The following OSMR variants were observed in gnomAD, a reference collection of about 807,000 sequenced individuals.
OSMR encodes the protein oncostatin M receptor, also known as oncostatin-M-specific receptor subunit beta.
Under a neutral mutation model 99.9 loss-of-function variants are expected in OSMR, and 81 were observed. The observed-to-expected ratio is 0.81, with a 90% confidence interval of 0.68 to 0.97. The LOEUF (loss-of-function observed/expected upper bound fraction) is 0.97. OSMR is among the 50% of genes least tolerant of loss of function. OSMR has a pLI of 0.00. For synonymous variants in OSMR, 406 were observed against 410.4 expected, an observed-to-expected ratio of 0.99 and a Z score of 0.13; for missense variants, 1,099 against 1,153.4, an observed-to-expected ratio of 0.95 and a Z score of 0.68.
chr5:38,937,577 T>C (rs1747114134), downstream of OSMR, among the ~76,000 whole-genome samples: 2 of 152,224 alleles, frequency 1.3e-5, no homozygotes, highest in South Asian at 4.1e-4. This position sits in a 1 kb window ranked among gnomAD's most constrained non-coding sequence, Gnocchi z 4.0. Context: ...GGGCAGTTTA[T>C]GTGTGAGAAA....
chr5:38,886,439 T>C, intron 7 of OSMR: 1 of 1,021,344 alleles, frequency 9.8e-7, no homozygotes, highest in Non-Finnish European at 1.3e-6. Context: ...ACTCTAACAA[T>C]AACTTCTGTC....
intron 9 of OSMR, among the ~76,000 whole-genome samples, chr5:38,906,415 C>T (rs78645715): frequency 0.015 from 2,270 of 152,198 alleles, 30 homozygotes; most frequent in Non-Finnish European, 0.024. Flanking sequence ...GTATTATAAC[C>T]ATGCTTAAGT....
At chr5:38,891,496 G>A (rs1170298226) in intron 7 of OSMR, among the ~76,000 whole-genome samples, 1 of 152,224 alleles carries the variant, frequency 6.6e-6, no homozygotes, top group African/African-American at 2.4e-5. Context: ...GAACAGAGAT[G>A]AGCAAAGCCC....
At chr5:38,875,720 T>G (rs1033985518) in intron 2 of OSMR, among the ~76,000 whole-genome samples, 1 of 152,216 alleles carries the variant, frequency 6.6e-6, no homozygotes, top group African/African-American at 2.4e-5. Flanking sequence ...TTGCTAGTCT[T>G]TAAGTTAAAT....
chr5:38,933,542 C>T lies in OSMR; in HGVS notation c.*98C>T, dbSNP rs28364756. 9,199 of 1,361,540 alleles carry T rather than the reference C, an allele frequency of 6.8e-3. 336 individuals carry two copies. The East Asian group carries it at 0.11, about 16-fold the overall frequency. 84.3% of individuals were successfully genotyped at this position (1,361,540 alleles called of 1,614,324 possible). A position where few individuals can be genotyped will look rare whatever the true frequency, so the allele number is the denominator to read the frequency against. ...GTGGCCTTGGTCCTTAATCCCAGTA[C>T]GATTTGCAGGTCTGGTTTATATAAG... On this transcript the variant is annotated 3_prime_UTR_variant, in exon 18 of 18. Coordinates refer to ENST00000274276, the MANE Select transcript of OSMR (RefSeq NM_003999.3).
chr5:38,942,315 C>T (rs2112777540), intron 1 of OSMR: 1 of 1,589,570 alleles, frequency 6.3e-7, no homozygotes, highest in South Asian at 1.1e-5. Context: ...CAGGATTCAG[C>T]AGATGTATCA....
chr5:38,850,782 A>G (rs1373570227), intron 1 of OSMR, among the ~76,000 whole-genome samples: 1 of 152,224 alleles, frequency 6.6e-6, no homozygotes, highest in Non-Finnish European at 1.5e-5. Context: ...AATTTTTCAT[A>G]CACCGTGGTA....
At position 38,944,679 on chromosome 5, in the gene OSMR, C is replaced by T. The variant is rs965873460; in HGVS notation, c.*87-267C>T. 7.1e-5 allele frequency: 70 copies of T among 983,544 alleles called. No individual in the cohort carries two copies. In the Admixed American group the frequency reaches 1.7e-3, roughly 23 times the overall value. 60.9% of individuals were successfully genotyped at this position (983,544 alleles called of 1,614,324 possible). The stretch of plus-strand genomic sequence containing the variant: ...CCTAAAGACCTAGAGATCAATTACA[C>T]ATGATCTACCAATCATTTTGGGAGC... On this transcript the variant is annotated intron_variant and NMD_transcript_variant, in intron 2 of 2. Transcript: ENST00000508882.
At position 38,933,535 on chromosome 5, in the gene OSMR, C is replaced by G. The variant is rs767424089; in HGVS notation, c.*91C>G. On this transcript the variant is annotated 3_prime_UTR_variant, in exon 18 of 18. Transcript: ENST00000274276. ...ATCACCAGTGGCCTTGGTCCTTAAT[C>G]CCAGTACGATTTGCAGGTCTGGTTT... is the stretch of plus-strand genomic sequence containing the variant. 154 of 1,416,680 alleles carry G rather than the reference C, an allele frequency of 1.1e-4. No individual in the cohort carries two copies. The highest frequency in any genetic ancestry group is 1.5e-4 in the Non-Finnish European group (152 of 1,009,420). The allele number at this position is 1,416,680 out of a possible 1,614,324, so 87.8% of individuals were successfully genotyped here.
chr5:38,885,677 G>T (rs1426336653), intron 6 of OSMR, among the ~76,000 whole-genome samples, 193 bp downstream of exon 6: 1 of 152,198 alleles, frequency 6.6e-6, no homozygotes, highest in Non-Finnish European at 1.5e-5. Context: ...TTTAAAAAAG[G>T]AACATTTAGC....
At chr5:38,942,302 G>T (rs1579847174) in intron 1 of OSMR, 3 of 1,568,442 alleles carry the variant, frequency 1.9e-6, no homozygotes, top group African/African-American at 2.7e-5. Flanking sequence ...ATAAATATGA[G>T]GTCAGGATTC....
At chr5:38,905,871 A>T (rs966521679) in intron 9 of OSMR, among the ~76,000 whole-genome samples, 2 of 152,182 alleles carry the variant, frequency 1.3e-5, no homozygotes, top group Non-Finnish European at 2.9e-5. Context: ...CAGCTGGCAG[A>T]ACTCTTTCTG....
rs1295047553 is a variant in OSMR at position 38,917,587 on chromosome 5, G to A, written c.1327G>A (p.Glu443Lys). The A allele has an allele frequency of 6.2e-7, 1 of 1,613,590 alleles. No homozygotes were observed. Among genetic ancestry groups the A allele is most frequent in the African/African-American group, 1.3e-5 (1 of 74,926 alleles). Residue 443 changes from glutamate to lysine, a missense_variant, in exon 10 of 18, where the codon GAG (glutamate) becomes AAG (lysine). By Grantham distance (56) the Glu-to-Lys change is moderately conservative. Transcript: ENST00000274276. Reference protein sequence around the residue: ...APDVWRIVSLEPGNHTVTLFW... With the variant: ...APDVWRIVSLKPGNHTVTLFW... ...TGATGTCTGGAGAATTGTGAGCTTG[G>A]AGCCAGGAAATCATACTGTGACCTT...
Position 38,903,927 on chromosome 5 carries a change from C to A in OSMR, c.1037C>A (p.Ala346Asp). The change falls in exon 8 of 18, where the codon GCC becomes GAC. Residue 346 changes from alanine (A) to aspartate (D), a missense_variant. By Grantham distance (126) the Ala-to-Asp change is moderately radical. Coordinates refer to ENST00000274276, the MANE Select transcript of OSMR (RefSeq NM_003999.3). ...AGTGTCAACTTTGAAAATGTAAATG[C>A]CACAAATGCCATCATGACCTGGAAG... ...PFSVNFENVN[A>D]TNAIMTWKVH... 1 of 1,613,454 alleles carries A rather than the reference C, an allele frequency of 6.2e-7. No homozygotes were observed. Among genetic ancestry groups the A allele is most frequent in the Non-Finnish European group, 8.5e-7 (1 of 1,179,824 alleles).
downstream of OSMR, chr5:38,945,363 A>G (rs987858858): frequency 3.0e-6 from 2 of 658,582 alleles, no homozygotes; most frequent in Non-Finnish European, 2.6e-6. Context: ...ATAATTTGGC[A>G]TATCAGTGTG....
intron 9 of OSMR, among the ~76,000 whole-genome samples, chr5:38,910,281 A>G (rs184125462): frequency 6.2e-4 from 95 of 152,326 alleles, no homozygotes; most frequent in Non-Finnish European, 1.2e-3. Flanking sequence ...ATAGTAGGAG[A>G]CTTCAACATT....
chr5:38,925,165 T>C (rs777240044), intron 14 of OSMR, 39 bp from the exon 15 acceptor site: 2 of 1,612,364 alleles, frequency 1.2e-6, no homozygotes, highest in Admixed American at 1.7e-5. Context: ...AATAAAATCT[T>C]TTTTTTCCTT....
At chr5:38,940,720 G>A (rs1747469610) in intron 1 of OSMR, 1 of 232,634 alleles carries the variant, frequency 4.3e-6, no homozygotes, top group Admixed American at 5.6e-5. Context: ...GTTATGAAGT[G>A]AGATGAAATG....
At position 38,923,255 on chromosome 5, in the gene OSMR, G is replaced by T; in HGVS notation, c.1870+1G>T. On this transcript the variant is annotated splice_donor_variant, in intron 13 of 17. Coordinates refer to ENST00000274276, the MANE Select transcript of OSMR (RefSeq NM_003999.3). LOFTEE classifies it high-confidence loss of function. ...AAAACAGGATACTCTCAGGAACTTG[G>T]TAAGTTTAAAGCATGTAATGTGCCC... is the stretch of plus-strand genomic sequence containing the variant. The T allele has an allele frequency of 6.4e-7, 1 of 1,564,494 alleles. No homozygotes were observed. Among genetic ancestry groups the T allele is most frequent in the Non-Finnish European group, 8.8e-7 (1 of 1,135,238 alleles).
Sources: gnomAD v4.1 joint callset for allele counts (sites outside exome capture counted in the v4.1 genomes callset) on GRCh38, gnomAD v4.1.1 for gene constraint, Gnocchi (gnomAD v3.1) non-coding constraint, MANE v1.5 for transcripts, NCBI Gene and HGNC (gene_info 2026-07-23, HGNC 2026-07-21) for gene names.